The following ROBO1 variants were observed in gnomAD, a reference collection of about 807,000 sequenced individuals.
ROBO1 encodes the protein roundabout homolog 1.
A neutral mutation model predicts 195.9 loss-of-function variants in ROBO1; 149 were observed. The ratio of observed to expected loss-of-function variants is 0.76; its 90% CI spans 0.67 to 0.87. The LOEUF (loss-of-function observed/expected upper bound fraction) is 0.87. Ranked by LOEUF, ROBO1 falls within the 40% of genes least tolerant of loss-of-function variation. ROBO1 has a pLI of 0.00. For synonymous variants in ROBO1, 816 were observed against 733.2 expected (o/e 1.11, Z -1.82); for missense variants, 1,933 against 2,068.3 (o/e 0.93, Z 1.27).
chr3:78,788,426 CTTTT>C (rs373965044), intron 4 of ROBO1, among the ~76,000 whole-genome samples: 1 of 73,856 alleles, frequency 1.4e-5, no homozygotes, highest in Non-Finnish European at 2.5e-5. Flanking sequence ...CCTCTCTTTT[CTTTT>C]TTTTTTTTTT....
chr3:79,738,548 C>T (rs879931795), intron 1 of ROBO1, among the ~76,000 whole-genome samples: 2 of 152,018 alleles, frequency 1.3e-5, no homozygotes, highest in South Asian at 4.1e-4. Flanking sequence ...AAAAGTTATT[C>T]GTGTGAGAAC....
At chr3:79,348,842 G>T (rs1445199497) in intron 2 of ROBO1, among the ~76,000 whole-genome samples, 1 of 152,124 alleles carries the variant, frequency 6.6e-6, no homozygotes, top group Non-Finnish European at 1.5e-5. Flanking sequence ...GAACATAGGA[G>T]GCTTAGAAGC....
intron 1 of ROBO1, among the ~76,000 whole-genome samples, chr3:79,754,855 A>G (rs1445941479): frequency 6.6e-6 from 1 of 152,146 alleles, no homozygotes; most frequent in Admixed American, 6.6e-5. Context: ...TAATTACCTG[A>G]TACCACTTTT....
intron 2 of ROBO1, among the ~76,000 whole-genome samples, chr3:79,400,591 G>A (rs1401257626): frequency 6.6e-6 from 1 of 152,034 alleles, no homozygotes; most frequent in Non-Finnish European, 1.5e-5. Context: ...TGTCAAGGAT[G>A]ATGGTTTGAT....
intron 4 of ROBO1, among the ~76,000 whole-genome samples, chr3:78,919,929 A>G (rs925857393): frequency 4.6e-5 from 7 of 152,232 alleles, no homozygotes; most frequent in Non-Finnish European, 8.8e-5. Context: ...AATGCAAAAC[A>G]TAAAGGTCTG....
chr3:79,626,186 C>G (rs1211305679), intron 1 of ROBO1, among the ~76,000 whole-genome samples: 1 of 152,206 alleles, frequency 6.6e-6, no homozygotes, highest in South Asian at 2.1e-4. Flanking sequence ...GTGGCTCACA[C>G]CTGTAATCCT....
At chr3:79,248,162 AG>A (rs2082657612) in intron 2 of ROBO1, among the ~76,000 whole-genome samples, 1 of 152,122 alleles carries the variant, frequency 6.6e-6, no homozygotes, top group South Asian at 2.1e-4. Flanking sequence ...TTATTTTTCT[AG>A]TAAGAAGAAA....
At chr3:78,682,706 A>AATATATATATACTGTAT (rs1553701634) in intron 10 of ROBO1, among the ~76,000 whole-genome samples, 5 of 147,760 alleles carry the variant, frequency 3.4e-5, no homozygotes, top group Non-Finnish European at 7.5e-5. Context: ...AATATCAAAA[A>AATATATATATACTGTAT]ATATATATAT....
chr3:79,474,881 A>G lies in ROBO1; in HGVS notation c.88+114943T>C, dbSNP rs183566777. Among the ~76,000 whole-genome samples the G allele has an allele frequency of 2.1e-3, 324 of 152,198 alleles. 1 individual carries two copies. The highest frequency in any genetic ancestry group is 2.3e-3 in the Non-Finnish European group (157 of 67,938). The stretch of plus-strand genomic sequence containing the variant: ...TAGAATGTTGTATAAAAATAACAAC[A>G]CTAGCCTAGCAAATCAGATTTGTTT... On this transcript the variant is annotated intron_variant, in intron 2 of 30. Transcript: ENST00000464233.
chr3:78,887,214 G>A (rs2107326943), intron 4 of ROBO1, among the ~76,000 whole-genome samples: 1 of 152,278 alleles, frequency 6.6e-6, no homozygotes, highest in South Asian at 2.1e-4. Context: ...GACGGCAGCA[G>A]GTTGGCTTAG....
intron 1 of ROBO1, among the ~76,000 whole-genome samples, chr3:79,635,726 G>A (rs1040242875): frequency 6.6e-6 from 1 of 151,870 alleles, no homozygotes; most frequent in African/African-American, 2.4e-5. Flanking sequence ...AAACCATAAG[G>A]CAGAAATGTA....
At chr3:79,113,691 T>C (rs918851180) in intron 3 of ROBO1, among the ~76,000 whole-genome samples, 3 of 151,946 alleles carry the variant, frequency 2.0e-5, no homozygotes, top group African/African-American at 7.3e-5. Flanking sequence ...CGCTTGAACC[T>C]GGGAGGTGGA....
chr3:79,446,209 C>T (rs1320332278), intron 2 of ROBO1, among the ~76,000 whole-genome samples: 1 of 152,152 alleles, frequency 6.6e-6, no homozygotes, highest in African/African-American at 2.4e-5. Context: ...TTATACAAAT[C>T]TTTAGTCAAA....
intron 2 of ROBO1, among the ~76,000 whole-genome samples, chr3:79,165,042 T>G (rs989909004): frequency 6.6e-6 from 1 of 152,220 alleles, no homozygotes; most frequent in Non-Finnish European, 1.5e-5. Context: ...GTTGGTATAC[T>G]TATTGTTTAT....
At chr3:78,979,073 T>C (rs935992272) in intron 3 of ROBO1, among the ~76,000 whole-genome samples, 8 of 152,192 alleles carry the variant, frequency 5.3e-5, no homozygotes, top group African/African-American at 1.7e-4. Context: ...ATTGGTTCAA[T>C]TGGTGAATGT....
At chr3:79,065,521 G>A (rs2108418584) in intron 3 of ROBO1, among the ~76,000 whole-genome samples, 1 of 152,042 alleles carries the variant, frequency 6.6e-6, no homozygotes, top group East Asian at 1.9e-4. Flanking sequence ...TACAAGATGA[G>A]TGTGGAACAT....
chr3:79,104,960 G>A (rs1426306513), intron 3 of ROBO1, among the ~76,000 whole-genome samples: 1 of 151,706 alleles, frequency 6.6e-6, no homozygotes, highest in Non-Finnish European at 1.5e-5. Flanking sequence ...GGTGTTTTTG[G>A]TAGATGGCAT....
intron 14 of ROBO1, among the ~76,000 whole-genome samples, chr3:78,662,940 G>A (rs537037351): frequency 6.6e-6 from 1 of 152,150 alleles, no homozygotes; most frequent in Middle Eastern, 3.4e-3. Context: ...CATTTCTGAA[G>A]CGGTTTTCTA....
intron 2 of ROBO1, among the ~76,000 whole-genome samples, chr3:79,500,904 G>C (rs1057398428): frequency 1.3e-5 from 2 of 151,964 alleles, no homozygotes; most frequent in African/African-American, 4.8e-5. Flanking sequence ...TGTTACGTTG[G>C]CATATTCAGA....
Sources: gnomAD v4.1 joint callset for allele counts (sites outside exome capture counted in the v4.1 genomes callset) on GRCh38, gnomAD v4.1.1 for gene constraint, MANE v1.5 for transcripts, NCBI Gene and HGNC (gene_info 2026-07-23, HGNC 2026-07-21) for gene names.